The following RASGRF1 variants were observed in gnomAD, a reference collection of about 807,000 sequenced individuals.
RASGRF1 encodes Ras protein specific guanine nucleotide releasing factor 1.
Under a neutral mutation model 138.7 loss-of-function variants are expected in RASGRF1, and 40 were observed. The ratio of observed to expected loss-of-function variants is 0.29; its 90% CI spans 0.22 to 0.38. The LOEUF (loss-of-function observed/expected upper bound fraction) is 0.38. Among genes scored for constraint, RASGRF1 ranks in the 10% least tolerant of loss-of-function variants. RASGRF1 has a pLI of 1.00. For missense variants in RASGRF1, 1,108 were observed against 1,650.4 expected (o/e 0.67, Z 5.69); for synonymous variants, 614 against 663.2 (o/e 0.93, Z 1.14).
chr15:78,998,033 G>T, intron 19 of RASGRF1, 63 bp downstream of exon 19: 3 of 1,437,032 alleles, frequency 2.1e-6, no homozygotes, highest in Non-Finnish European at 2.0e-6. Flanking sequence ...CCACATGGAG[G>T]CAGAAGGCAG....
chr15:79,090,577 T>C lies in RASGRF1; in HGVS notation c.-79A>G. Reference sequence around the variant, plus strand: ...CCCCCCGTCCGTGCGCGCTGCGCGCTGCCTCTCTCTGGCGCTCGCTCGCTC... The same window carrying C: ...CCCCCCGTCCGTGCGCGCTGCGCGCCGCCTCTCTCTGGCGCTCGCTCGCTC... On this transcript the variant is annotated 5_prime_UTR_variant, in exon 1 of 27. Coordinates refer to ENST00000558480, the MANE Select transcript of RASGRF1 (RefSeq NM_001145648.3). The C allele has an allele frequency of 6.4e-7, 1 of 1,556,132 alleles. No individual in the cohort carries two copies. Among genetic ancestry groups the C allele is most frequent in the Non-Finnish European group, 8.7e-7 (1 of 1,151,746 alleles).
chr15:79,033,528 G>T (rs939691982), intron 6 of RASGRF1, among the ~76,000 whole-genome samples: 1 of 151,450 alleles, frequency 6.6e-6, no homozygotes, highest in Non-Finnish European at 1.5e-5. Flanking sequence ...TGGGATTAAA[G>T]GCGTGAGCCA....
At chr15:79,002,830 C>T (rs1041517833) in intron 15 of RASGRF1, among the ~76,000 whole-genome samples, 1 of 152,178 alleles carries the variant, frequency 6.6e-6, no homozygotes, top group South Asian at 2.1e-4. Context: ...CTGGGGGTGC[C>T]CTCTGCCTTC....
chr15:79,047,573 A>G (rs141498704), intron 4 of RASGRF1, among the ~76,000 whole-genome samples: 26 of 152,350 alleles, frequency 1.7e-4, no homozygotes, highest in African/African-American at 6.0e-4. Flanking sequence ...TTAATCTCAT[A>G]CTTAGCCCTC....
chr15:79,036,662 G>C (rs890319803), intron 5 of RASGRF1, among the ~76,000 whole-genome samples: 5 of 152,166 alleles, frequency 3.3e-5, no homozygotes, highest in Non-Finnish European at 5.9e-5. Flanking sequence ...TCAGAGGTTA[G>C]AGGCTCAGGA....
At chr15:79,017,057 T>C (rs2056888967) in intron 12 of RASGRF1, among the ~76,000 whole-genome samples, 1 of 152,220 alleles carries the variant, frequency 6.6e-6, no homozygotes, top group Non-Finnish European at 1.5e-5. Flanking sequence ...GGGAGGGGCC[T>C]GTCCTGGGGC....
At chr15:78,986,592 C>T (rs149796168) in intron 22 of RASGRF1, among the ~76,000 whole-genome samples, 7,119 of 152,036 alleles carry the variant, frequency 0.047, 526 homozygotes, top group African/African-American at 0.16. Context: ...AGTGATCTGC[C>T]GGCCTTGACC....
At chr15:79,012,443 T>C in intron 13 of RASGRF1, 1 of 1,313,234 alleles carries the variant, frequency 7.6e-7, no homozygotes, top group Non-Finnish European at 1.1e-6. Context: ...TCTATGTCTC[T>C]CTCTCTCTCA....
At chr15:79,035,032 A>T in intron 6 of RASGRF1, 99 bp downstream of exon 6, 1 of 944,624 alleles carries the variant, frequency 1.1e-6, no homozygotes, top group Non-Finnish European at 1.5e-6. Context: ...AAAAAGTGAC[A>T]CTCTATTATG....
At chr15:78,972,900 A>G (rs920924585) in intron 25 of RASGRF1, among the ~76,000 whole-genome samples, 1 of 152,148 alleles carries the variant, frequency 6.6e-6, no homozygotes, top group Non-Finnish European at 1.5e-5. Context: ...TACGAACAAT[A>G]CGGATGGGTG....
intron 1 of RASGRF1, among the ~76,000 whole-genome samples, chr15:79,069,589 C>G (rs1231230231): frequency 6.6e-6 from 1 of 152,148 alleles, no homozygotes; most frequent in East Asian, 1.9e-4. Flanking sequence ...GCAGATTTCT[C>G]CAGGGGAAGC....
intron 3 of RASGRF1, among the ~76,000 whole-genome samples, chr15:79,052,434 C>T (rs1490584318): frequency 6.6e-6 from 1 of 152,156 alleles, no homozygotes; most frequent in East Asian, 1.9e-4. Context: ...TCCCTCTGCC[C>T]CCATCCAAGC....
At chr15:78,996,166 A>G (rs992241459) in intron 19 of RASGRF1, among the ~76,000 whole-genome samples, 3 of 152,218 alleles carry the variant, frequency 2.0e-5, no homozygotes, top group Non-Finnish European at 2.9e-5. Flanking sequence ...GAGCACATGG[A>G]TGACAGGATG....
chr15:78,999,728 G>T lies in RASGRF1; in HGVS notation c.2746+15C>A. 6.2e-7 allele frequency: 1 copy of T among 1,610,830 alleles called. No homozygotes were observed. Among genetic ancestry groups the T allele is most frequent in the South Asian group, 1.1e-5 (1 of 90,964 alleles). On this transcript the variant is annotated intron_variant, in intron 17 of 26. Transcript: ENST00000558480. ...CCATGGGGAGGACCCTGTGAGTGGA[G>T]AACACCCCACATACCTGCACTGGCT...
rs963766418 is a variant in RASGRF1, at chr15:79,006,211, T to C, written c.2050A>G (p.Lys684Glu). The change falls in exon 14 of 27, where the codon AAG (lysine) becomes GAG (glutamate). Residue 684 changes from lysine to glutamate, a missense_variant. Physicochemically the swap from Lys to Glu is moderately conservative, Grantham distance 56. Transcript: ENST00000558480. This position sits in a 1 kb window ranked among gnomAD's most constrained non-coding sequence, Gnocchi z 4.0. The part of the protein sequence containing the change: ...VLDKLITIYK[K>E]PISAIPARSL... Reference sequence around the variant, plus strand: ...CTGGCAGGAATGGCACTGATAGGCTTCTTGTAGATGGTAATGAGCTTGTCC... The same window carrying C: ...CTGGCAGGAATGGCACTGATAGGCTCCTTGTAGATGGTAATGAGCTTGTCC... 3 of 1,614,118 alleles carry C rather than the reference T, an allele frequency of 1.9e-6. No homozygotes were observed. Among genetic ancestry groups the C allele is most frequent in the Non-Finnish European group, 2.5e-6 (3 of 1,180,026 alleles).
chr15:79,010,846 C>T (rs371753566), intron 13 of RASGRF1, among the ~76,000 whole-genome samples: 1 of 152,172 alleles, frequency 6.6e-6, no homozygotes, highest in Non-Finnish European at 1.5e-5. Context: ...GGTGGCTGAC[C>T]TGAGACGCTG....
In RASGRF1 at chr15:79,090,628, C is replaced by A. The variant is rs781545515; in HGVS notation, c.-130G>T. 4.4e-4 allele frequency: 562 copies of A among 1,288,126 alleles called. No homozygotes were observed. The highest frequency in any genetic ancestry group is 5.6e-4 in the Non-Finnish European group (519 of 933,504). The allele number at this position is 1,288,126 out of a possible 1,614,324, so 79.8% of individuals were successfully genotyped here. Reference sequence around the variant, plus strand: ...GCTCCCTCTAGCTCTCCCCTCCCCCCAAATATCTACACTCCAGGATCTGGC... The same window carrying A: ...GCTCCCTCTAGCTCTCCCCTCCCCCAAAATATCTACACTCCAGGATCTGGC... On this transcript the variant is annotated 5_prime_UTR_variant, in exon 1 of 27. Transcript: ENST00000558480.
chr15:79,040,509 C>G (rs746787660), intron 5 of RASGRF1, among the ~76,000 whole-genome samples: 1 of 152,218 alleles, frequency 6.6e-6, no homozygotes, highest in Non-Finnish European at 1.5e-5. Flanking sequence ...TCCCTCTTCC[C>G]TATGCCCTCT....
rs147925972 is a variant in RASGRF1, at chr15:79,056,945, C to T, written c.531+1389G>A. ...GAGTGGAATTTGATGGGACCATGAGCACACTGCAGGTTCTTGGAGCCTTGG... is the reference window on the plus strand; with the variant it reads ...GAGTGGAATTTGATGGGACCATGAGTACACTGCAGGTTCTTGGAGCCTTGG... On this transcript the variant is annotated intron_variant, in intron 3 of 26. Coordinates refer to ENST00000558480, the MANE Select transcript of RASGRF1 (RefSeq NM_001145648.3). Among the ~76,000 whole-genome samples the T allele has an allele frequency of 9.6e-4, 146 of 152,330 alleles. 2 individuals are homozygous for T. Among genetic ancestry groups the T allele is most frequent in the African/African-American group, 3.3e-3 (136 of 41,580 alleles).
Sources: gnomAD v4.1 joint callset for allele counts (sites outside exome capture counted in the v4.1 genomes callset) on GRCh38, gnomAD v4.1.1 for gene constraint, Gnocchi (gnomAD v3.1) non-coding constraint, MANE v1.5 for transcripts, NCBI Gene and HGNC (gene_info 2026-07-23, HGNC 2026-07-21) for gene names.